Variants in PLSCR2 observed in about 807,000 individuals in gnomAD.
PLSCR2 encodes the protein PL scramblase 2.
PLSCR2 carries 18 observed loss-of-function variants against 25.3 expected under a neutral mutation model. The observed-to-expected ratio is 0.71, with a 90% CI of 0.49 to 1.06. The LOEUF is 1.06. Ranked by LOEUF, PLSCR2 falls within the 50% of genes least tolerant of loss-of-function variation. PLSCR2 has a pLI of 0.00. For synonymous variants in PLSCR2, 88 were observed against 87.3 expected, an observed-to-expected ratio of 1.01 and a Z score of -0.04; for missense variants, 243 against 269.5, an observed-to-expected ratio of 0.90 and a Z score of 0.69.
Position 146,487,416 on chromosome 3 carries a change from C to T in PLSCR2, c.-293+8479G>A, listed in dbSNP as rs186830817. ...TGACATGATCCTATATTTAGAAAAC[C>T]CCATTATCTCAACCCCAAAGCTTCT... On this transcript the variant is annotated intron_variant, in intron 1 of 8. Transcript: ENST00000336685. Among the ~76,000 whole-genome samples, 13 of 152,078 alleles carry T rather than the reference C, an allele frequency of 8.5e-5. No homozygotes were observed. The East Asian group carries it at 1.9e-3, about 23-fold the overall frequency.
intron 1 of PLSCR2, among the ~76,000 whole-genome samples, chr3:146,485,269 G>A (rs568935190): frequency 9.2e-5 from 14 of 151,948 alleles, no homozygotes; most frequent in Admixed American, 3.9e-4. Flanking sequence ...ATATATATGC[G>A]CCCAATACAG....
intron 2 of PLSCR2, among the ~76,000 whole-genome samples, chr3:146,418,660 T>G (rs1430202869): frequency 6.6e-6 from 1 of 152,192 alleles, no homozygotes; most frequent in Non-Finnish European, 1.5e-5. Flanking sequence ...GCTTCAGGAT[T>G]CTGCCCTCTT....
At chr3:146,477,899 C>A (rs1163426352) in intron 1 of PLSCR2, among the ~76,000 whole-genome samples, 1 of 152,178 alleles carries the variant, frequency 6.6e-6, no homozygotes. Flanking sequence ...AAGGATCAGG[C>A]AGCAATATTT....
At chr3:146,437,196 T>C (rs928496543), downstream of PLSCR2, among the ~76,000 whole-genome samples, 1 of 152,126 alleles carries the variant, frequency 6.6e-6, no homozygotes, top group Non-Finnish European at 1.5e-5. Flanking sequence ...CATTGAGGAT[T>C]TTTGCACTGA....
intron 2 of PLSCR2, among the ~76,000 whole-genome samples, chr3:146,458,826 A>G (rs2041378995): frequency 6.6e-6 from 1 of 152,110 alleles, no homozygotes; most frequent in Non-Finnish European, 1.5e-5. Flanking sequence ...TCTACTTCAT[A>G]TAATCATTTT....
At chr3:146,460,885 G>A (rs1016773681), upstream of PLSCR2, among the ~76,000 whole-genome samples, 1 of 152,070 alleles carries the variant, frequency 6.6e-6, no homozygotes, top group Non-Finnish European at 1.5e-5. Flanking sequence ...CCTTGATATT[G>A]TTCTTAAAAC....
chr3:146,426,936 C>T (rs2039375255), intron 2 of PLSCR2, among the ~76,000 whole-genome samples: 1 of 152,246 alleles, frequency 6.6e-6, no homozygotes, highest in South Asian at 2.1e-4. Flanking sequence ...CCAAACTTGG[C>T]CTTTGGCCCT....
intron 1 of PLSCR2, among the ~76,000 whole-genome samples, chr3:146,482,647 A>C (rs946540925): frequency 2.3e-4 from 35 of 152,138 alleles, no homozygotes; most frequent in African/African-American, 6.0e-4. Flanking sequence ...ATTAGTTCAA[A>C]CATTGTGGAA....
At chr3:146,408,893 G>A (rs191299429) in intron 2 of PLSCR2, among the ~76,000 whole-genome samples, 1 of 152,234 alleles carries the variant, frequency 6.6e-6, no homozygotes, top group Admixed American at 6.5e-5. Flanking sequence ...CAGGCCAGGT[G>A]GAGGGAAAGA....
At chr3:146,493,552 A>T (rs2043628950) in intron 1 of PLSCR2, among the ~76,000 whole-genome samples, 1 of 152,264 alleles carries the variant, frequency 6.6e-6, no homozygotes, top group Admixed American at 6.5e-5. Context: ...TTCAATAGAC[A>T]TAAAAAAGGC....
chr3:146,456,802 A>G lies in PLSCR2; in HGVS notation c.101-1343T>C, dbSNP rs186078598. 5.1e-4 allele frequency among the ~76,000 whole-genome samples: 77 copies of G among 152,248 alleles called. 1 individual carries two copies. Among genetic ancestry groups the G allele is most frequent in the Non-Finnish European group, 8.7e-4 (59 of 68,016 alleles). On this transcript the variant is annotated intron_variant, in intron 3 of 6. Coordinates refer to ENST00000610787, the Ensembl canonical transcript of PLSCR2. The stretch of plus-strand genomic sequence containing the variant: ...AGACTTTCAATTTGAGAAAAAAAGA[A>G]AAGAAAATTAAAAATGTCTTTTTTA...
intron 2 of PLSCR2, among the ~76,000 whole-genome samples, chr3:146,397,419 C>T (rs1318462044): frequency 3.3e-5 from 5 of 152,122 alleles, no homozygotes; most frequent in African/African-American, 1.2e-4. Flanking sequence ...TGAACACCTT[C>T]ATTGCCTCAC....
intron 3 of PLSCR2, among the ~76,000 whole-genome samples, chr3:146,455,975 A>G (rs1259309084): frequency 6.6e-6 from 1 of 152,176 alleles, no homozygotes; most frequent in Non-Finnish European, 1.5e-5. Context: ...CACGTGCATA[A>G]AAAGTGAGAG....
chr3:146,460,443 G>GA (rs59446001), upstream of PLSCR2, among the ~76,000 whole-genome samples: 63,388 of 133,492 alleles, frequency 0.47, 15,341 homozygotes, highest in South Asian at 0.69. Flanking sequence ...GATGAAATTG[G>GA]AAAAAAAAAA....
chr3:146,425,141 C>T (rs531792508), intron 2 of PLSCR2, among the ~76,000 whole-genome samples: 31 of 152,088 alleles, frequency 2.0e-4, no homozygotes, highest in East Asian at 1.4e-3. Flanking sequence ...ATAGAAAAGA[C>T]GTTAAATATG....
intron 3 of PLSCR2, among the ~76,000 whole-genome samples, chr3:146,395,259 T>C (rs2038234705): frequency 6.6e-6 from 1 of 152,194 alleles, no homozygotes; most frequent in East Asian, 1.9e-4. Context: ...ATTTAATTTG[T>C]GAATTTAAAA....
chr3:146,481,221 A>G (rs546656406), intron 1 of PLSCR2, among the ~76,000 whole-genome samples: 2 of 152,346 alleles, frequency 1.3e-5, no homozygotes, highest in South Asian at 2.1e-4. Context: ...TAGTGTTGGA[A>G]GTTCTGGCCA....
intron 1 of PLSCR2, among the ~76,000 whole-genome samples, chr3:146,470,731 G>A (rs2042085395): frequency 6.6e-6 from 1 of 152,196 alleles, no homozygotes; most frequent in Admixed American, 6.5e-5. Context: ...ATGGAAGGGA[G>A]GAAGGTGGAG....
chr3:146,482,314 G>A (rs1317475929), intron 1 of PLSCR2, among the ~76,000 whole-genome samples: 1 of 152,084 alleles, frequency 6.6e-6, no homozygotes, highest in Non-Finnish European at 1.5e-5. Flanking sequence ...GAAAATTTTT[G>A]CAATCTACCC....
Sources: gnomAD v4.1 joint callset for allele counts (sites outside exome capture counted in the v4.1 genomes callset) on GRCh38, gnomAD v4.1.1 for gene constraint, MANE v1.5 for transcripts, NCBI Gene and HGNC (gene_info 2026-07-23, HGNC 2026-07-21) for gene names.